B3GALT1: variants seen among roughly 807,000 people sequenced by gnomAD.
B3GALT1 encodes the protein UDP-Gal:betaGlcNAc beta 1,3-galactosyltransferase, polypeptide 1.
B3GALT1 carries 10 observed loss-of-function variants against 23.2 expected under a neutral mutation model. The ratio of observed to expected loss-of-function variants is 0.43; its 90% confidence interval spans 0.27 to 0.73. B3GALT1 has a LOEUF of 0.73. Ranked by LOEUF, B3GALT1 falls within the 30% of genes least tolerant of loss-of-function variation. The pLI is 0.21. For synonymous variants in B3GALT1, 156 were observed against 141.5 expected (o/e 1.10, Z -0.73); for missense variants, 299 against 405.4 (o/e 0.74, Z 2.25).
intron 3 of B3GALT1, among the ~76,000 whole-genome samples, chr2:167,742,154 C>T (rs186747765): frequency 7.6e-4 from 115 of 152,280 alleles, no homozygotes; most frequent in African/African-American, 2.7e-3. Flanking sequence ...GGTCACTTTA[C>T]TATATCAGTG....
intron 3 of B3GALT1, among the ~76,000 whole-genome samples, chr2:167,722,348 C>T (rs902340167): frequency 1.3e-5 from 2 of 152,142 alleles, no homozygotes; most frequent in African/African-American, 4.8e-5. Context: ...AAACAATTGA[C>T]TGCTCTTCTC....
chr2:167,769,881 A>G (rs933581879), intron 3 of B3GALT1, among the ~76,000 whole-genome samples: 1 of 152,230 alleles, frequency 6.6e-6, no homozygotes, highest in African/African-American at 2.4e-5. Context: ...TTGTGCAAAC[A>G]TGAATTTTAA....
At chr2:167,774,473 T>G (rs556261367) in intron 3 of B3GALT1, among the ~76,000 whole-genome samples, 15 of 120,496 alleles carry the variant, frequency 1.2e-4, no homozygotes, top group South Asian at 2.7e-4. Flanking sequence ...TGTTTATTGG[T>G]TTTTTTTTTT....
At chr2:167,387,012 C>CATCATATCATATCATATCAT (rs143849741) in intron 1 of B3GALT1, among the ~76,000 whole-genome samples, 197 of 151,232 alleles carry the variant, frequency 1.3e-3, no homozygotes, top group African/African-American at 4.6e-3. Context: ...TAGGTAGTCT[C>CATCATATCATATCATATCAT]ATCATATCAT....
intron 2 of B3GALT1, among the ~76,000 whole-genome samples, chr2:167,541,033 T>A (rs1007108276): frequency 3.9e-5 from 6 of 152,162 alleles, no homozygotes; most frequent in Non-Finnish European, 5.9e-5. Context: ...AGCCAAGTGG[T>A]AACCTTTTTA....
intron 1 of B3GALT1, among the ~76,000 whole-genome samples, chr2:167,318,186 G>A (rs978560128): frequency 2.0e-5 from 3 of 151,854 alleles, no homozygotes; most frequent in African/African-American, 4.8e-5. Flanking sequence ...AATTAGCCAG[G>A]TGTGGTGGCG....
At position 167,656,073 on chromosome 2, in the gene B3GALT1, T is replaced by A. The variant is rs1685951074; in HGVS notation, c.-352+9107T>A. 2.6e-5 allele frequency among the ~76,000 whole-genome samples: 4 copies of A among 152,184 alleles called. No homozygotes were observed. The South Asian group carries it at 8.3e-4, about 32-fold the overall frequency. ...CTGTTTAGGTATCAGTCTAGTGGAC[T>A]GAGATGGGGTGTCCTCTTCCCATCC... On this transcript the variant is annotated intron_variant, in intron 3 of 4. Coordinates refer to ENST00000392690, the MANE Select transcript of B3GALT1 (RefSeq NM_020981.4).
At chr2:167,641,418 A>G (rs1472658482) in intron 2 of B3GALT1, among the ~76,000 whole-genome samples, 2 of 152,154 alleles carry the variant, frequency 1.3e-5, no homozygotes, top group Non-Finnish European at 2.9e-5. Context: ...GGGGCAAGTT[A>G]TTAATATTTC....
intron 2 of B3GALT1, among the ~76,000 whole-genome samples, chr2:167,644,596 C>T (rs567880698): frequency 5.3e-5 from 8 of 151,826 alleles, no homozygotes; most frequent in African/African-American, 1.2e-4. Flanking sequence ...CTGGCCAACA[C>T]GGTGAAACCC....
At chr2:167,443,177 A>G (rs1330833202) in intron 1 of B3GALT1, among the ~76,000 whole-genome samples, 1 of 151,710 alleles carries the variant, frequency 6.6e-6, no homozygotes, top group Non-Finnish European at 1.5e-5. Flanking sequence ...CAAAGATCAG[A>G]TAGTTGTAGA....
chr2:167,463,908 A>T (rs1699305049), intron 1 of B3GALT1, among the ~76,000 whole-genome samples: 1 of 152,160 alleles, frequency 6.6e-6, no homozygotes, highest in Non-Finnish European at 1.5e-5. Flanking sequence ...GACATTTTGG[A>T]ACTATAGTTC....
intron 1 of B3GALT1, among the ~76,000 whole-genome samples, chr2:167,391,926 G>A (rs1698019278): frequency 6.6e-6 from 1 of 152,100 alleles, no homozygotes; most frequent in Admixed American, 6.5e-5. Context: ...CTTTTAATAA[G>A]TCAAAGGTAA....
At chr2:167,386,298 T>G (rs77207060) in intron 1 of B3GALT1, among the ~76,000 whole-genome samples, 4,879 of 151,914 alleles carry the variant, frequency 0.032, 248 homozygotes, top group African/African-American at 0.11. Context: ...ACGTTCTTTA[T>G]GGTAAAAAAA....
intron 3 of B3GALT1, among the ~76,000 whole-genome samples, chr2:167,686,479 T>G (rs1325400129): frequency 6.6e-6 from 1 of 152,206 alleles, no homozygotes; most frequent in Non-Finnish European, 1.5e-5. Context: ...TATCATAAAA[T>G]TTAAAGGAAG....
intron 1 of B3GALT1, among the ~76,000 whole-genome samples, chr2:167,300,542 T>G (rs905834071): frequency 6.6e-6 from 1 of 152,284 alleles, no homozygotes; most frequent in East Asian, 1.9e-4. Flanking sequence ...TTCAAGTATT[T>G]AAAGGTATTA....
chr2:167,714,209 G>C (rs1239080274), intron 3 of B3GALT1: 1 of 1,507,476 alleles, frequency 6.6e-7, no homozygotes, highest in African/African-American at 1.4e-5. Flanking sequence ...CCTTTGTGGA[G>C]GAAGAGCTGA....
chr2:167,560,755 A>G (rs185552347), intron 2 of B3GALT1, among the ~76,000 whole-genome samples: 347 of 152,254 alleles, frequency 2.3e-3, no homozygotes, highest in Middle Eastern at 6.8e-3. Flanking sequence ...AGAAGAGCTA[A>G]CTGTCCTAAA....
At chr2:167,795,960 C>A (rs1172416909) in intron 3 of B3GALT1, among the ~76,000 whole-genome samples, 1 of 152,182 alleles carries the variant, frequency 6.6e-6, no homozygotes, top group Non-Finnish European at 1.5e-5. Context: ...CCTGGAACTG[C>A]CTTCACTAAA....
chr2:167,775,483 C>T (rs928783216), intron 3 of B3GALT1, among the ~76,000 whole-genome samples: 102 of 151,174 alleles, frequency 6.7e-4, no homozygotes, highest in African/African-American at 2.2e-3. Flanking sequence ...GCAGGAGAAT[C>T]GCTTGAACCT....
Sources: gnomAD v4.1 joint callset for allele counts (sites outside exome capture counted in the v4.1 genomes callset) on GRCh38, gnomAD v4.1.1 for gene constraint, MANE v1.5 for transcripts, NCBI Gene and HGNC (gene_info 2026-07-23, HGNC 2026-07-21) for gene names.